Variants in CAND1 observed in about 807,000 individuals in gnomAD.
The protein encoded by CAND1 is cullin associated and neddylation dissociated 1.
CAND1 carries 7 observed loss-of-function variants against 108.5 expected under a neutral mutation model. That is an observed-to-expected ratio of 0.06 (90% CI 0.04 to 0.12). The LOEUF is 0.12. Ranked by LOEUF, CAND1 falls within the 10% of genes least tolerant of loss-of-function variation. CAND1 has a pLI of 1.00. For missense variants in CAND1, 941 were observed against 1,448.7 expected (o/e 0.65, Z 5.69); for synonymous variants, 534 against 512.0 (o/e 1.04, Z -0.58).
In CAND1 at chr12:67,275,907, A is replaced by G. The variant is rs532180533; in HGVS notation, c.69-6003A>G. ...CAGGTCATATCAACCTGGGAATTCC[A>G]TTGAAGTCTGAAACGTAAACATTTA... On this transcript the variant is annotated intron_variant, in intron 1 of 14. Transcript: ENST00000545606. 2.0e-5 allele frequency among the ~76,000 whole-genome samples: 3 copies of G among 152,362 alleles called. No homozygotes were observed. In the East Asian group the frequency reaches 5.8e-4, roughly 29 times the overall value.
intron 2 of CAND1, among the ~76,000 whole-genome samples, chr12:67,288,425 G>T (rs1475840132): frequency 6.6e-6 from 1 of 152,066 alleles, no homozygotes; most frequent in Non-Finnish European, 1.5e-5. Context: ...ACCATGCCTG[G>T]CCGTCCTTTC....
chr12:67,312,471 AGTT>A (rs536070594), intron 14 of CAND1, 132 bp from the exon 15 acceptor site: 221 of 505,586 alleles, frequency 4.4e-4, no homozygotes, highest in African/African-American at 4.1e-3. Context: ...GTTTAAAAAC[AGTT>A]GTTCTTAGAA....
intron 11 of CAND1, 57 bp downstream of exon 11, chr12:67,307,549 CT>C: frequency 2.8e-6 from 3 of 1,065,366 alleles, no homozygotes; most frequent in Non-Finnish European, 2.8e-6. Context: ...TCTCAAGAAA[CT>C]CTTGAACTTA....
intron 14 of CAND1, among the ~76,000 whole-genome samples, chr12:67,312,170 T>C (rs2044958171): frequency 6.7e-6 from 1 of 149,766 alleles, no homozygotes; most frequent in Non-Finnish European, 1.5e-5. Flanking sequence ...AATCAAGATT[T>C]TTTTTTTTTT....
chr12:67,275,355 C>T (rs2044559022), intron 1 of CAND1, among the ~76,000 whole-genome samples: 1 of 151,950 alleles, frequency 6.6e-6, no homozygotes, highest in South Asian at 2.1e-4. Context: ...GGTGAAACCC[C>T]ATCTCTACTA....
intron 1 of CAND1, 124 bp downstream of exon 1, chr12:67,269,909 GC>G: frequency 2.7e-6 from 2 of 728,268 alleles, no homozygotes; most frequent in Non-Finnish European, 2.2e-6. Context: ...GAAGTCTCCA[GC>G]CCACCGGTCC....
intron 1 of CAND1, among the ~76,000 whole-genome samples, chr12:67,272,999 G>GT (rs1371585044): frequency 6.6e-6 from 1 of 151,986 alleles, no homozygotes; most frequent in African/African-American, 2.4e-5. Flanking sequence ...CCCATGCAGG[G>GT]TTTTTTGTTT....
At chr12:67,279,998 T>C (rs1405507624) in intron 1 of CAND1, among the ~76,000 whole-genome samples, 1 of 152,238 alleles carries the variant, frequency 6.6e-6, no homozygotes, top group East Asian at 1.9e-4. Context: ...TAATGTGTTA[T>C]GCAATTTTTC....
chr12:67,270,650 G>A (rs1005733625), intron 1 of CAND1: 1 of 151,868 alleles, frequency 6.6e-6, no homozygotes, highest in Non-Finnish European at 1.5e-5. Flanking sequence ...GTTGTAATAT[G>A]CATAGTGAAG....
At position 67,305,131 on chromosome 12, in the gene CAND1, C is replaced by T. The variant is rs1418279368; in HGVS notation, c.1463C>T (p.Ser488Leu). 6 of 1,611,184 alleles carry T rather than the reference C, an allele frequency of 3.7e-6. No individual in the cohort carries two copies. The highest frequency in any genetic ancestry group is 5.1e-6 in the Non-Finnish European group (6 of 1,178,360). Residue 488 changes from serine to leucine, a missense_variant, in exon 10 of 15, where the codon TCA becomes TTA. By Grantham distance (145) the Ser-to-Leu change is moderately radical. Transcript: ENST00000545606. This position sits in a 1 kb window ranked among gnomAD's most constrained non-coding sequence, Gnocchi z 4.4. ...PGIIFSLNDK[S>L]SSSNLKIDAL... is the part of the protein sequence containing the mutation. ...ATCATTTTCTCACTGAATGATAAAT[C>T]AAGCTCATCGAATTTGAAGATCGAT...
At chr12:67,300,585 A>G (rs902409692) in intron 7 of CAND1, among the ~76,000 whole-genome samples, 6 of 152,060 alleles carry the variant, frequency 3.9e-5, no homozygotes, top group Non-Finnish European at 7.4e-5. Context: ...CACATCCCTC[A>G]GCTAGTCTTC....
rs779893936 is a variant in CAND1 at position 67,306,413 on chromosome 12, A to G, written c.2745A>G (p.Glu915=). Residue 915 remains glutamate, a synonymous_variant, in exon 10 of 15, where the codon GAA becomes GAG. Transcript: ENST00000545606. ...ATCTTTTACTTCATTCCTTGAAGGAAATTATTAGCTCTGCATCAGTGGTGG... is the reference window on the plus strand; with the variant it reads ...ATCTTTTACTTCATTCCTTGAAGGAGATTATTAGCTCTGCATCAGTGGTGG... ...RQYLLLHSLK[E]IISSASVVGL... is the part of the protein sequence containing the mutation. 3 of 1,614,036 alleles carry G rather than the reference A, an allele frequency of 1.9e-6. No individual in the cohort carries two copies. The highest frequency in any genetic ancestry group is 2.5e-6 in the Non-Finnish European group (3 of 1,179,952).
intron 4 of CAND1, among the ~76,000 whole-genome samples, chr12:67,295,619 T>C (rs184658571): frequency 2.6e-5 from 4 of 152,304 alleles, no homozygotes; most frequent in Admixed American, 2.0e-4. Flanking sequence ...GGAAGTCAGA[T>C]GTTAGAACAT....
At chr12:67,277,816 T>C (rs1565714150) in intron 1 of CAND1, among the ~76,000 whole-genome samples, 3 of 152,252 alleles carry the variant, frequency 2.0e-5, no homozygotes, top group South Asian at 2.1e-4. Flanking sequence ...CATTTTTTTT[T>C]CCATCTTCAT....
chr12:67,302,208 TGTTACCGGAAA>T (rs1225883469), intron 7 of CAND1, 104 bp from the exon 8 acceptor site: 1 of 865,062 alleles, frequency 1.2e-6, no homozygotes, highest in East Asian at 2.5e-5. Flanking sequence ...TTGCTGTATA[TGTTACCGGAAA>T]GTTAGATTAA....
At chr12:67,279,888 T>A (rs2044604166) in intron 1 of CAND1, among the ~76,000 whole-genome samples, 1 of 152,210 alleles carries the variant, frequency 6.6e-6, no homozygotes, top group Non-Finnish European at 1.5e-5. Flanking sequence ...GGCACTGCAG[T>A]GGTTCTTAGA....
chr12:67,285,703 A>G (rs1389206705), intron 2 of CAND1, among the ~76,000 whole-genome samples: 1 of 152,206 alleles, frequency 6.6e-6, no homozygotes, highest in African/African-American at 2.4e-5. Context: ...CAACATCTCC[A>G]ATCAAGGTCA....
chr12:67,300,751 G>A (rs2044817186), intron 7 of CAND1, among the ~76,000 whole-genome samples: 1 of 152,120 alleles, frequency 6.6e-6, no homozygotes, highest in African/African-American at 2.4e-5. Flanking sequence ...TTATTCCAGT[G>A]CCTAGGACAG....
At chr12:67,285,001 A>C (rs1188204486) in intron 2 of CAND1, among the ~76,000 whole-genome samples, 2 of 152,228 alleles carry the variant, frequency 1.3e-5, no homozygotes. Context: ...TTGAATTTAC[A>C]AAAAATTCAG....
Sources: gnomAD v4.1 joint callset for allele counts (sites outside exome capture counted in the v4.1 genomes callset) on GRCh38, gnomAD v4.1.1 for gene constraint, Gnocchi (gnomAD v3.1) non-coding constraint, MANE v1.5 for transcripts, NCBI Gene and HGNC (gene_info 2026-07-23, HGNC 2026-07-21) for gene names.